GRID1: variants seen among roughly 807,000 people sequenced by gnomAD.
GRID1 encodes the protein glutamate receptor ionotropic, delta-1.
In GRID1, 28 loss-of-function variants were observed where a neutral mutation model predicts 98.0. That is an observed-to-expected ratio of 0.29 (90% confidence interval 0.21 to 0.39). The LOEUF (loss-of-function observed/expected upper bound fraction) is 0.39. GRID1 is among the 10% of genes least tolerant of loss of function. GRID1 has a pLI of 1.00. For missense variants in GRID1, 1,111 were observed against 1,340.5 expected (o/e 0.83, Z 2.67); for synonymous variants, 553 against 538.5 (o/e 1.03, Z -0.37).
intron 12 of GRID1, among the ~76,000 whole-genome samples, chr10:85,669,178 G>A (rs1841057011): frequency 6.6e-6 from 1 of 152,194 alleles, no homozygotes; most frequent in South Asian, 2.1e-4. Flanking sequence ...CAAATGCAGG[G>A]CACCGTCTTC....
At position 85,619,956 on chromosome 10, in the gene GRID1, C is replaced by T. The variant is rs774213483; in HGVS notation, c.2271G>A (p.Ser757=). The T allele has an allele frequency of 5.0e-6, 8 of 1,613,882 alleles. No homozygotes were observed. The highest frequency in any genetic ancestry group is 2.7e-5 in the African/African-American group (2 of 74,928). The change falls in exon 14 of 16, where the codon TCG becomes TCA. Residue 757 remains serine (S), a synonymous_variant. Coordinates refer to ENST00000327946, the MANE Select transcript of GRID1 (RefSeq NM_017551.3). ...TGATGCTGTTGCCGATGACAGTCAC[C>T]GAGCAGTCGTCATCCGTCAGGGCTG... ...EYAALTDDDC[S]VTVIGNSISS...
intron 4 of GRID1, among the ~76,000 whole-genome samples, chr10:86,043,833 T>C (rs558571987): frequency 6.6e-6 from 1 of 152,330 alleles, no homozygotes; most frequent in Admixed American, 6.5e-5. Context: ...GAACTTTAAA[T>C]AACTGGATCT....
chr10:86,331,402 A>G (rs2132102795), intron 2 of GRID1, among the ~76,000 whole-genome samples: 1 of 152,168 alleles, frequency 6.6e-6, no homozygotes, highest in East Asian at 1.9e-4. Context: ...GAGCCTGAGC[A>G]GCTCCGTGTG....
intron 12 of GRID1, among the ~76,000 whole-genome samples, chr10:85,722,626 G>A (rs781109389): frequency 3.1e-4 from 47 of 151,762 alleles, no homozygotes; most frequent in Admixed American, 2.3e-3. Context: ...TAAGGTGTTC[G>A]AAGATTGAAA....
chr10:85,794,810 C>G (rs1481194025), intron 8 of GRID1, among the ~76,000 whole-genome samples: 1 of 152,142 alleles, frequency 6.6e-6, no homozygotes, highest in Non-Finnish European at 1.5e-5. Context: ...GACAGTATAG[C>G]CATGCCCTTG....
rs74355012 is a variant in GRID1 at position 86,255,254 on chromosome 10, A to C, written c.236-48606T>G. 2.5e-3 allele frequency among the ~76,000 whole-genome samples: 378 copies of C among 152,354 alleles called. 12 individuals are homozygous for C. In the East Asian group the frequency reaches 0.069, roughly 28 times the overall value. Reference sequence around the variant, plus strand: ...TGCATCTATATTGTATCTGTACTTTAAAATTAATAATTAAAACAAACTGTG... The same window carrying C: ...TGCATCTATATTGTATCTGTACTTTCAAATTAATAATTAAAACAAACTGTG... On this transcript the variant is annotated intron_variant, in intron 2 of 15. Coordinates refer to ENST00000327946, the MANE Select transcript of GRID1 (RefSeq NM_017551.3).
chr10:86,244,695 G>A (rs1846693767), intron 2 of GRID1, among the ~76,000 whole-genome samples: 1 of 152,238 alleles, frequency 6.6e-6, no homozygotes, highest in South Asian at 2.1e-4. Context: ...ACAGAGGGCA[G>A]CCATGGCCCC....
At chr10:86,136,840 A>T (rs774779395) in intron 4 of GRID1, among the ~76,000 whole-genome samples, 1 of 152,210 alleles carries the variant, frequency 6.6e-6, no homozygotes, top group East Asian at 1.9e-4. Context: ...GGATTTAGAA[A>T]TGACCTATTG....
At chr10:85,643,257 GGCTTCTCCTCA>G (rs1843145797) in intron 13 of GRID1, among the ~76,000 whole-genome samples, 1 of 152,122 alleles carries the variant, frequency 6.6e-6, no homozygotes, top group Non-Finnish European at 1.5e-5. Flanking sequence ...CCCCTCGGTG[GGCTTCTCCTCA>G]CCTTTGCCAG....
intron 5 of GRID1, among the ~76,000 whole-genome samples, chr10:85,914,673 G>A (rs1397028679): frequency 6.6e-6 from 1 of 152,104 alleles, no homozygotes; most frequent in Non-Finnish European, 1.5e-5. Flanking sequence ...GATACTACCT[G>A]CACAATTATT....
intron 5 of GRID1, among the ~76,000 whole-genome samples, chr10:85,889,540 T>G (rs1335994148): frequency 2.0e-5 from 3 of 152,210 alleles, no homozygotes; most frequent in African/African-American, 7.2e-5. Context: ...CTGAATAGTA[T>G]TCTCTTTTGG....
At chr10:86,087,029 C>A (rs574198254) in intron 4 of GRID1, among the ~76,000 whole-genome samples, 1 of 152,160 alleles carries the variant, frequency 6.6e-6, no homozygotes, top group Non-Finnish European at 1.5e-5. Context: ...AATGAACACA[C>A]CTGAGTCTCT....
chr10:85,713,993 T>A (rs2132639609), intron 12 of GRID1, among the ~76,000 whole-genome samples: 1 of 152,052 alleles, frequency 6.6e-6, no homozygotes, highest in South Asian at 2.1e-4. Flanking sequence ...CTGGAAGGCA[T>A]GGTCAGAACA....
chr10:86,131,716 C>T (rs557063699), intron 4 of GRID1, among the ~76,000 whole-genome samples: 4 of 152,304 alleles, frequency 2.6e-5, no homozygotes, highest in Non-Finnish European at 5.9e-5. Context: ...TGCTTAGATG[C>T]TCCTTTGAAA....
rs1425341259 is a variant in GRID1 at position 85,873,851 on chromosome 10, G to C, written c.781-4671C>G. Reference sequence around the variant, plus strand: ...CCACTTCAACAAGCAACGTCTCTGGGTACCCCATTAGCTTTCCAGATAATT... The same window carrying C: ...CCACTTCAACAAGCAACGTCTCTGGCTACCCCATTAGCTTTCCAGATAATT... On this transcript the variant is annotated intron_variant, in intron 5 of 15. Transcript: ENST00000327946. 2.0e-5 allele frequency among the ~76,000 whole-genome samples: 3 copies of C among 152,272 alleles called. No individual in the cohort carries two copies. The East Asian group carries it at 5.8e-4, about 29-fold the overall frequency.
intron 8 of GRID1, among the ~76,000 whole-genome samples, chr10:85,739,875 C>T (rs566528658): frequency 6.6e-6 from 1 of 152,122 alleles, no homozygotes; most frequent in Non-Finnish European, 1.5e-5. Context: ...CACATATAAG[C>T]TTAAGCTCAA....
At chr10:85,663,289 T>C (rs1564552106) in intron 12 of GRID1, among the ~76,000 whole-genome samples, 1 of 151,974 alleles carries the variant, frequency 6.6e-6, no homozygotes, top group Non-Finnish European at 1.5e-5. Context: ...TCTACACAGA[T>C]ACCTACACAG....
chr10:85,823,649 A>C (rs1331264760), intron 8 of GRID1, among the ~76,000 whole-genome samples: 4 of 152,048 alleles, frequency 2.6e-5, no homozygotes, highest in Non-Finnish European at 4.4e-5. Context: ...AATTCTGTGA[A>C]TATCAAGCTT....
intron 4 of GRID1, among the ~76,000 whole-genome samples, chr10:86,011,895 C>T (rs747667395): frequency 9.9e-5 from 15 of 152,184 alleles, no homozygotes; most frequent in African/African-American, 2.4e-4. Context: ...TGAGGGCTTA[C>T]GCCTATAATC....
Sources: gnomAD v4.1 joint callset for allele counts (sites outside exome capture counted in the v4.1 genomes callset) on GRCh38, gnomAD v4.1.1 for gene constraint, MANE v1.5 for transcripts, NCBI Gene and HGNC (gene_info 2026-07-23, HGNC 2026-07-21) for gene names.